The following SMOC2 variants were observed in gnomAD, a reference collection of about 807,000 sequenced individuals.
The protein encoded by SMOC2 is SPARC related modular calcium binding 2.
A neutral mutation model predicts 61.4 loss-of-function variants in SMOC2; 39 were observed. That is an observed-to-expected ratio of 0.64 (90% CI 0.49 to 0.83). SMOC2 has a LOEUF of 0.83. Ranked by LOEUF, SMOC2 falls within the 40% of genes least tolerant of loss-of-function variation. The pLI, the probability that SMOC2 is intolerant of heterozygous loss-of-function variation, is 0.00. For missense variants in SMOC2, 556 were observed against 592.9 expected (o/e 0.94, Z 0.65); for synonymous variants, 247 against 239.9 (o/e 1.03, Z -0.27).
chr6:168,547,051 A>G (rs1784020513), intron 5 of SMOC2, 68 bp from the exon 6 acceptor site: 1 of 1,596,424 alleles, frequency 6.3e-7, no homozygotes. Flanking sequence ...ATCCACCCGT[A>G]TGCACACTTA....
chr6:168,441,620 G>C (rs1471612263), intron 1 of SMOC2, among the ~76,000 whole-genome samples, 166 bp downstream of exon 1: 1 of 152,116 alleles, frequency 6.6e-6, no homozygotes, highest in Non-Finnish European at 1.5e-5. Flanking sequence ...GAGCAGGTAG[G>C]ACGCAGCGTG....
intron 1 of SMOC2, among the ~76,000 whole-genome samples, chr6:168,484,960 G>A (rs769937328): frequency 6.6e-6 from 1 of 152,170 alleles, no homozygotes; most frequent in Non-Finnish European, 1.5e-5. Context: ...AATGGGGAGG[G>A]AGTGTTTGAT....
intron 4 of SMOC2, among the ~76,000 whole-genome samples, chr6:168,534,235 A>G (rs1220497911): frequency 6.6e-6 from 1 of 152,280 alleles, no homozygotes; most frequent in African/African-American, 2.4e-5. Flanking sequence ...ATGACATAAA[A>G]TAGTAATTTG....
chr6:168,621,387 C>G (rs1786241439), intron 9 of SMOC2, among the ~76,000 whole-genome samples: 1 of 152,222 alleles, frequency 6.6e-6, no homozygotes, highest in East Asian at 1.9e-4. Context: ...TCCTAAGGAA[C>G]ACACATTATC....
At chr6:168,487,617 G>T (rs2115029099) in intron 1 of SMOC2, among the ~76,000 whole-genome samples, 1 of 152,152 alleles carries the variant, frequency 6.6e-6, no homozygotes, top group East Asian at 1.9e-4. Context: ...CGATTCTACT[G>T]CCTCAGCCTC....
intron 1 of SMOC2, among the ~76,000 whole-genome samples, chr6:168,472,243 C>G (rs1427488137): frequency 6.6e-6 from 1 of 150,934 alleles, no homozygotes; most frequent in African/African-American, 2.4e-5. Context: ...AGGTAAGGGT[C>G]CAACTTCGTT....
chr6:168,509,579 A>G (rs1782957050), intron 1 of SMOC2, among the ~76,000 whole-genome samples: 1 of 148,264 alleles, frequency 6.7e-6, no homozygotes, highest in Non-Finnish European at 1.5e-5. Flanking sequence ...AAATTAGTCA[A>G]TGAATTCACA....
intron 8 of SMOC2, among the ~76,000 whole-genome samples, chr6:168,600,161 C>T (rs6925657): frequency 2.6e-3 from 389 of 152,078 alleles, no homozygotes; most frequent in African/African-American, 8.8e-3. Context: ...ATCCCAGAAC[C>T]GTGGGAGGCC....
intron 8 of SMOC2, among the ~76,000 whole-genome samples, chr6:168,602,374 C>A (rs141696806): frequency 6.6e-6 from 1 of 152,128 alleles, no homozygotes; most frequent in African/African-American, 2.4e-5. Flanking sequence ...GTGTGCTTTG[C>A]GGCTTGTTCA....
At chr6:168,490,353 A>G (rs1036128514) in intron 1 of SMOC2, among the ~76,000 whole-genome samples, 2 of 152,238 alleles carry the variant, frequency 1.3e-5, no homozygotes, top group African/African-American at 4.8e-5. Flanking sequence ...GACTCCAGCC[A>G]TCATTCTTTC....
At chr6:168,619,577 G>A (rs1192052511) in intron 9 of SMOC2, among the ~76,000 whole-genome samples, 1 of 152,138 alleles carries the variant, frequency 6.6e-6, no homozygotes, top group Non-Finnish European at 1.5e-5. Context: ...CTTTTAACTG[G>A]CCTACAGTGG....
intron 1 of SMOC2, among the ~76,000 whole-genome samples, chr6:168,468,955 C>G (rs540829459): frequency 2.0e-5 from 3 of 152,234 alleles, no homozygotes; most frequent in Non-Finnish European, 2.9e-5. Flanking sequence ...CAAGAAGAAA[C>G]TCTAGAAGCA....
rs867068646 is a variant in SMOC2 at position 168,453,230 on chromosome 6, G to A, written c.84+11776G>A. Reference sequence around the variant, plus strand: ...GCGGGCGGGGGTGGGGGAGGAACTCGGGACCCAGGGCTGTGCCCCAAGAGG... The same window carrying A: ...GCGGGCGGGGGTGGGGGAGGAACTCAGGACCCAGGGCTGTGCCCCAAGAGG... On this transcript the variant is annotated intron_variant, in intron 1 of 12. Coordinates refer to ENST00000356284, the MANE Select transcript of SMOC2 (RefSeq NM_001166412.2). This position sits in a 1 kb window ranked among gnomAD's most constrained non-coding sequence, Gnocchi z 4.4. Among the ~76,000 whole-genome samples, 6 of 152,110 alleles carry A rather than the reference G, an allele frequency of 3.9e-5. No homozygotes were observed. The East Asian group carries it at 5.8e-4, about 15-fold the overall frequency.
chr6:168,501,092 G>C (rs527812340), intron 1 of SMOC2, among the ~76,000 whole-genome samples: 78 of 152,242 alleles, frequency 5.1e-4, no homozygotes, highest in African/African-American at 1.8e-3. Flanking sequence ...CGGATGCTAA[G>C]GATAATCTTT....
At chr6:168,599,413 TTC>T (rs1562372668) in intron 8 of SMOC2, among the ~76,000 whole-genome samples, 4 of 23,068 alleles carry the variant, frequency 1.7e-4, no homozygotes, top group South Asian at 1.4e-3. Flanking sequence ...CACACACACA[TTC>T]ATACCCCCCA....
At chr6:168,569,654 G>T (rs1218795156) in intron 7 of SMOC2, among the ~76,000 whole-genome samples, 1 of 152,134 alleles carries the variant, frequency 6.6e-6, no homozygotes, top group African/African-American at 2.4e-5. Flanking sequence ...ATGTTGCCCA[G>T]GGTGGTCCCC....
chr6:168,542,804 A>C (rs566476062), intron 4 of SMOC2, among the ~76,000 whole-genome samples: 1 of 152,302 alleles, frequency 6.6e-6, no homozygotes, highest in East Asian at 1.9e-4. Context: ...GTCATAAGCT[A>C]TATTTTTAAT....
chr6:168,621,173 T>C (rs1488787851), intron 9 of SMOC2, among the ~76,000 whole-genome samples: 1 of 152,256 alleles, frequency 6.6e-6, no homozygotes, highest in Non-Finnish European at 1.5e-5. Context: ...TAGTTGTTAA[T>C]TCGCTTTGAG....
intron 7 of SMOC2, among the ~76,000 whole-genome samples, chr6:168,589,072 G>C (rs1411253064): frequency 1.1e-5 from 1 of 87,784 alleles, no homozygotes; most frequent in Non-Finnish European, 2.1e-5. Context: ...GGGAGAATTC[G>C]TCTCAAAAAA....
Sources: allele counts gnomAD v4.1 joint callset (sites outside exome capture counted in the v4.1 genomes callset), GRCh38; gene constraint gnomAD v4.1.1; non-coding constraint Gnocchi (gnomAD v3.1); transcripts MANE v1.5; gene names NCBI Gene and HGNC (gene_info 2026-07-23, HGNC 2026-07-21).